IGF1R: variants seen among roughly 807,000 people sequenced by gnomAD.
IGF1R encodes the protein insulin-like growth factor 1 receptor.
Under a neutral mutation model 144.6 loss-of-function variants are expected in IGF1R, and 44 were observed. The ratio of observed to expected loss-of-function variants is 0.30; its 90% CI spans 0.24 to 0.39. IGF1R has a LOEUF of 0.39. Among genes scored for constraint, IGF1R ranks in the 10% least tolerant of loss-of-function variants. The pLI, the probability that IGF1R is intolerant of heterozygous loss-of-function variation, is 1.00. For missense variants in IGF1R, 1,355 were observed against 1,833.7 expected (o/e 0.74, Z 4.77); for synonymous variants, 795 against 722.8 (o/e 1.10, Z -1.60).
intron 11 of IGF1R, among the ~76,000 whole-genome samples, chr15:98,923,580 CTTT>C (rs977962829): frequency 3.9e-4 from 60 of 152,302 alleles, no homozygotes; most frequent in African/African-American, 1.4e-3. Flanking sequence ...TGGCAGCAGG[CTTT>C]TTTTGTTGAG....
At chr15:98,865,044 C>G (rs571375200) in intron 2 of IGF1R, among the ~76,000 whole-genome samples, 1 of 152,082 alleles carries the variant, frequency 6.6e-6, no homozygotes, top group Non-Finnish European at 1.5e-5. Flanking sequence ...AGAAAAGAAT[C>G]GTAGGCATCT....
Position 98,649,539 on chromosome 15 carries a change from TTTTTTTTTTTG to T in IGF1R, c.-42_-32del. 4 of 1,009,030 alleles carry T rather than the reference TTTTTTTTTTTG, an allele frequency of 4.0e-6. No individual in the cohort carries two copies. The highest frequency in any genetic ancestry group is 2.9e-5 in the South Asian group (2 of 68,418). The allele number at this position is 1,009,030 out of a possible 1,614,324, so 62.5% of individuals were successfully genotyped here. A position where few individuals can be genotyped will look rare whatever the true frequency, so the allele number is the denominator to read the frequency against. The stretch of plus-strand genomic sequence containing the variant: ...TCTTTTCTTTTCTTTTTTTTTTTTT[TTTTTTTTTTTG>T]AGAAAGGGGAATTTCATCCCAAATA... On this transcript the variant is annotated 5_prime_UTR_variant, in exon 1 of 21. Transcript: ENST00000650285.
At chr15:98,931,903 A>G (rs1163559075) in intron 15 of IGF1R, among the ~76,000 whole-genome samples, 1 of 152,196 alleles carries the variant, frequency 6.6e-6, no homozygotes, top group East Asian at 1.9e-4. Context: ...AATAGCTTCT[A>G]AAAAGAAAAT....
At chr15:98,786,272 G>A (rs1434410167) in intron 2 of IGF1R, among the ~76,000 whole-genome samples, 41 of 152,214 alleles carry the variant, frequency 2.7e-4, no homozygotes, top group Admixed American at 2.7e-3. Flanking sequence ...AAACCTGAGG[G>A]TACATACAGT....
Position 98,964,438 on chromosome 15 carries a change from G to A in IGF1R, c.*6996G>A. 8.8e-6 allele frequency: 2 copies of A among 227,842 alleles called. No individual in the cohort carries two copies. The highest frequency in any genetic ancestry group is 1.3e-4 in the East Asian group (2 of 15,586). The allele number at this position is 227,842 out of a possible 1,614,324, so 14.1% of individuals were successfully genotyped here. ...AAAAAAGAAACTGTCTATTTTGAAT[G>A]GCTGAAGCTAAGGCAACGTTAGTTT... is the stretch of plus-strand genomic sequence containing the variant. On this transcript the variant is annotated 3_prime_UTR_variant, in exon 21 of 21. Transcript: ENST00000650285.
intron 2 of IGF1R, among the ~76,000 whole-genome samples, chr15:98,850,074 G>C (rs904456602): frequency 2.6e-5 from 4 of 152,228 alleles, no homozygotes; most frequent in African/African-American, 4.8e-5. Context: ...AATGACAGTT[G>C]TGCAGTTGTT....
intron 2 of IGF1R, among the ~76,000 whole-genome samples, chr15:98,830,240 CAG>C (rs2056975293): frequency 6.6e-6 from 1 of 152,242 alleles, no homozygotes; most frequent in Admixed American, 6.5e-5. Flanking sequence ...TGGGAGTTCT[CAG>C]AGAACTCATC....
chr15:98,708,140 GCCTCTCTCTCT>G, intron 2 of IGF1R, 33 bp downstream of exon 2: 1 of 1,572,418 alleles, frequency 6.4e-7, no homozygotes, highest in South Asian at 1.1e-5. Context: ...CTTTCTCTCT[GCCTCTCTCTCT>G]CCTCTCCTCC....
chr15:98,917,483 C>A (rs577785331), intron 10 of IGF1R, among the ~76,000 whole-genome samples: 1 of 152,216 alleles, frequency 6.6e-6, no homozygotes, highest in Non-Finnish European at 1.5e-5. Context: ...GGACTCTGCT[C>A]CTCTGCTGTG....
intron 3 of IGF1R, among the ~76,000 whole-genome samples, chr15:98,893,174 C>T (rs1210041207): frequency 6.6e-6 from 1 of 152,162 alleles, no homozygotes; most frequent in Non-Finnish European, 1.5e-5. Context: ...ATTTTTGCTG[C>T]AGCTTATGAA....
At chr15:98,917,262 T>G (rs2015296683) in intron 10 of IGF1R, among the ~76,000 whole-genome samples, 1 of 152,130 alleles carries the variant, frequency 6.6e-6, no homozygotes. Context: ...CTAATTATCT[T>G]TACTGCCTCT....
At chr15:98,782,007 T>A (rs2055871536) in intron 2 of IGF1R, among the ~76,000 whole-genome samples, 1 of 152,192 alleles carries the variant, frequency 6.6e-6, no homozygotes, top group Non-Finnish European at 1.5e-5. Context: ...CTATTGATTT[T>A]TTTTGAGATG....
chr15:98,960,780 G>A lies in IGF1R; in HGVS notation c.*3338G>A, dbSNP rs532358446. ...CTGATAGAACACACGCAGGAGCAGA[G>A]TCCCCTCCCCCTCCAGGCTGCCCTC... On this transcript the variant is annotated 3_prime_UTR_variant, in exon 21 of 21. Coordinates refer to ENST00000650285, the MANE Select transcript of IGF1R (RefSeq NM_000875.5). 28 of 233,814 alleles carry A rather than the reference G, an allele frequency of 1.2e-4. No individual in the cohort carries two copies. The Middle Eastern group carries it at 8.9e-3, about 74-fold the overall frequency. 14.5% of individuals were successfully genotyped at this position (233,814 alleles called of 1,614,324 possible).
chr15:98,835,101 A>ACACACACCCCTACACC (rs2057072441), intron 2 of IGF1R, among the ~76,000 whole-genome samples: 1 of 149,276 alleles, frequency 6.7e-6, no homozygotes, highest in South Asian at 2.1e-4. Flanking sequence ...ACACACACAC[A>ACACACACCCCTACACC]CACACACACC....
chr15:98,838,512 C>T lies in IGF1R; in HGVS notation c.641-52813C>T, dbSNP rs140038120. ...GAACCTGTTATTGAGAAGGTAGATG[C>T]GCCTGTTTACCCCAGGAAGGCTCCT... On this transcript the variant is annotated intron_variant, in intron 2 of 20. Transcript: ENST00000650285. 3.4e-3 allele frequency among the ~76,000 whole-genome samples: 522 copies of T among 152,178 alleles called. 10 individuals are homozygous for T. The highest frequency in any genetic ancestry group is 9.4e-4 in the Non-Finnish European group (64 of 68,010).
intron 2 of IGF1R, among the ~76,000 whole-genome samples, chr15:98,775,111 C>G (rs1434242391): frequency 6.6e-6 from 1 of 152,146 alleles, no homozygotes; most frequent in South Asian, 2.1e-4. Context: ...ATACCTGAGT[C>G]CATGTGTATC....
At chr15:98,785,620 T>C (rs751064517) in intron 2 of IGF1R, among the ~76,000 whole-genome samples, 5 of 152,218 alleles carry the variant, frequency 3.3e-5, no homozygotes, top group Non-Finnish European at 5.9e-5. Context: ...TCCTCACCAG[T>C]ACATTGGGAA....
intron 1 of IGF1R, among the ~76,000 whole-genome samples, chr15:98,697,862 C>T (rs528884861): frequency 3.9e-5 from 6 of 151,914 alleles, no homozygotes; most frequent in African/African-American, 7.2e-5. Flanking sequence ...CTCAGCCACC[C>T]GAGTAGCTGG....
chr15:98,850,752 G>C (rs1041417064), intron 2 of IGF1R, among the ~76,000 whole-genome samples: 6 of 152,108 alleles, frequency 3.9e-5, no homozygotes, highest in African/African-American at 1.2e-4. Context: ...TGGTGGGGGG[G>C]GGTACCATGT....
Sources: allele counts gnomAD v4.1 joint callset (sites outside exome capture counted in the v4.1 genomes callset), GRCh38; gene constraint gnomAD v4.1.1; transcripts MANE v1.5; gene names NCBI Gene and HGNC (gene_info 2026-07-23, HGNC 2026-07-21).